GNAQ: variants seen among roughly 807,000 people sequenced by gnomAD.
The protein encoded by GNAQ is guanine nucleotide-binding protein G(q) subunit alpha.
GNAQ carries 8 observed loss-of-function variants against 43.9 expected under a neutral mutation model. That is an observed-to-expected ratio of 0.18 (90% confidence interval 0.11 to 0.33). The LOEUF (loss-of-function observed/expected upper bound fraction) is 0.33, where lower values mean the gene tolerates loss of function less well. Ranked by LOEUF, GNAQ falls within the 10% of genes least tolerant of loss-of-function variation. GNAQ has a pLI of 1.00. For missense variants in GNAQ, 158 were observed against 450.8 expected, an observed-to-expected ratio of 0.35 and a Z score of 5.88; for synonymous variants, 155 against 170.7, an observed-to-expected ratio of 0.91 and a Z score of 0.71.
chr9:77,743,185 G>C (rs980791897), intron 5 of GNAQ, among the ~76,000 whole-genome samples: 1 of 152,216 alleles, frequency 6.6e-6, no homozygotes, highest in African/African-American at 2.4e-5. Flanking sequence ...TTGAACCCGG[G>C]AGGCGGAGGT....
chr9:77,918,160 T>C (rs1370302232), intron 2 of GNAQ, among the ~76,000 whole-genome samples: 2 of 152,076 alleles, frequency 1.3e-5, no homozygotes, highest in South Asian at 2.1e-4. Context: ...CTGAACACTT[T>C]CCCAGTTCAG....
intron 5 of GNAQ, among the ~76,000 whole-genome samples, chr9:77,767,299 C>A (rs1347435383): frequency 3.3e-5 from 5 of 152,082 alleles, no homozygotes; most frequent in Non-Finnish European, 7.4e-5. Flanking sequence ...CATCCCTGAC[C>A]TCTCCTACTA....
chr9:77,830,640 T>G (rs1827284062), intron 2 of GNAQ, among the ~76,000 whole-genome samples: 2 of 152,228 alleles, frequency 1.3e-5, no homozygotes, highest in Admixed American at 1.3e-4. Context: ...GGGGCTGAAG[T>G]GGCAGCCTAT....
chr9:77,728,492 T>C (rs1248368200), intron 6 of GNAQ, 22 bp downstream of exon 6: 1 of 1,566,316 alleles, frequency 6.4e-7, no homozygotes, highest in South Asian at 1.1e-5. Context: ...GCTACTGAGC[T>C]GTGGTATGAG....
At chr9:77,945,354 G>C (rs1822875732) in intron 1 of GNAQ, among the ~76,000 whole-genome samples, 1 of 152,124 alleles carries the variant, frequency 6.6e-6, no homozygotes, top group Admixed American at 6.6e-5. Flanking sequence ...AAAAAAGAGA[G>C]AGAGAGATTT....
At chr9:77,806,248 T>C (rs1201006740) in intron 3 of GNAQ, among the ~76,000 whole-genome samples, 1 of 152,272 alleles carries the variant, frequency 6.6e-6, no homozygotes, top group African/African-American at 2.4e-5. Context: ...TATTGGTTAA[T>C]TTTGACACAA....
At chr9:77,743,545 G>A (rs1278449032) in intron 5 of GNAQ, among the ~76,000 whole-genome samples, 1 of 152,204 alleles carries the variant, frequency 6.6e-6, no homozygotes, top group Admixed American at 6.5e-5. Context: ...TCTCAAAGCT[G>A]CCACAGAGGC....
chr9:77,986,951 A>G (rs1823446513), intron 1 of GNAQ, among the ~76,000 whole-genome samples: 1 of 151,838 alleles, frequency 6.6e-6, no homozygotes, highest in Non-Finnish European at 1.5e-5. Context: ...TTATCATTAT[A>G]TTGATAATGC....
At chr9:77,823,400 C>G (rs552739441) in intron 2 of GNAQ, among the ~76,000 whole-genome samples, 2 of 152,210 alleles carry the variant, frequency 1.3e-5, no homozygotes, top group East Asian at 3.9e-4. Context: ...TGCTGAGAAA[C>G]TGTTAACTTT....
At chr9:77,951,396 C>A (rs1328495363) in intron 1 of GNAQ, among the ~76,000 whole-genome samples, 1 of 152,112 alleles carries the variant, frequency 6.6e-6, no homozygotes, top group Non-Finnish European at 1.5e-5. Context: ...CTTCATCCAG[C>A]CCATTCACTT....
intron 2 of GNAQ, among the ~76,000 whole-genome samples, chr9:77,854,746 C>A (rs895882422): frequency 6.6e-6 from 1 of 152,158 alleles, no homozygotes; most frequent in Non-Finnish European, 1.5e-5. Flanking sequence ...GTACCTAATG[C>A]AATCTACAGG....
intron 1 of GNAQ, among the ~76,000 whole-genome samples, chr9:77,976,496 G>A (rs917621158): frequency 6.6e-6 from 1 of 152,120 alleles, no homozygotes; most frequent in Non-Finnish European, 1.5e-5. Context: ...AGGTTCAGGT[G>A]ATTCTCCTGC....
chr9:77,756,465 C>A (rs1825905329), intron 5 of GNAQ, among the ~76,000 whole-genome samples: 1 of 152,186 alleles, frequency 6.6e-6, no homozygotes, highest in Non-Finnish European at 1.5e-5. Context: ...GAAATGACTT[C>A]CAGCAAGACT....
chr9:77,763,235 A>G (rs1221183767), intron 5 of GNAQ, among the ~76,000 whole-genome samples: 1 of 152,154 alleles, frequency 6.6e-6, no homozygotes, highest in African/African-American at 2.4e-5. Context: ...ACATCTCAAG[A>G]TTGCAATGTG....
chr9:77,849,299 A>C (rs975405314), intron 2 of GNAQ, among the ~76,000 whole-genome samples: 1 of 152,212 alleles, frequency 6.6e-6, no homozygotes, highest in African/African-American at 2.4e-5. Flanking sequence ...AACTATCTAA[A>C]AAATAGAAAT....
At chr9:77,725,921 G>A (rs930042613) in intron 6 of GNAQ, among the ~76,000 whole-genome samples, 1 of 152,146 alleles carries the variant, frequency 6.6e-6, no homozygotes, top group African/African-American at 2.4e-5. Flanking sequence ...TCATGAAAAC[G>A]TGCCAGCCCA....
At chr9:77,927,845 C>A (rs1207427797) in intron 1 of GNAQ, among the ~76,000 whole-genome samples, 1 of 152,096 alleles carries the variant, frequency 6.6e-6, no homozygotes, top group Admixed American at 6.6e-5. Flanking sequence ...AATGCCCCCA[C>A]CCCACTCTCT....
intron 4 of GNAQ, among the ~76,000 whole-genome samples, chr9:77,796,198 T>C (rs1008351028): frequency 1.3e-5 from 2 of 152,200 alleles, no homozygotes; most frequent in African/African-American, 4.8e-5. Context: ...ACCTACTTTG[T>C]GGCAATATCT....
At chr9:78,021,306 G>A (rs1181451984) in intron 1 of GNAQ, among the ~76,000 whole-genome samples, 5 of 151,984 alleles carry the variant, frequency 3.3e-5, no homozygotes, top group Non-Finnish European at 5.9e-5. Flanking sequence ...GATTACACGC[G>A]TGAACCACCA....
Sources: gnomAD v4.1 joint callset for allele counts (sites outside exome capture counted in the v4.1 genomes callset) on GRCh38, gnomAD v4.1.1 for gene constraint, MANE v1.5 for transcripts, NCBI Gene and HGNC (gene_info 2026-07-23, HGNC 2026-07-21) for gene names.